TMBIM4: variants seen among roughly 807,000 people sequenced by gnomAD.
TMBIM4 encodes transmembrane BAX inhibitor motif containing 4.
Under a neutral mutation model 27.7 loss-of-function variants are expected in TMBIM4, and 28 were observed. That is an observed-to-expected ratio of 1.01 (90% CI 0.75 to 1.38). The LOEUF is 1.38. Ranked by LOEUF, TMBIM4 falls within the 40% of genes most tolerant of loss-of-function variation. The pLI is 0.00. For missense variants in TMBIM4, 265 were observed against 277.5 expected (o/e 0.95, Z 0.32); for synonymous variants, 115 against 113.1 (o/e 1.02, Z -0.11).
In TMBIM4 at chr12:66,136,195, C is replaced by T. The variant is rs2051579442; in HGVS notation, c.*1765G>A. 6.6e-6 allele frequency: 1 copy of T among 150,454 alleles called. No individual in the cohort carries two copies. 9.3% of individuals were successfully genotyped at this position (150,454 alleles called of 1,614,324 possible). On this transcript the variant is annotated 3_prime_UTR_variant, in exon 7 of 7. Transcript: ENST00000358230. ...CCTTATAACAGCCCAATAAGCTAGA[C>T]ATCATTATTCCCATTATGAAGATGA...
intron 5 of TMBIM4, among the ~76,000 whole-genome samples, chr12:66,142,625 T>C (rs1384239051): frequency 6.6e-6 from 1 of 151,940 alleles, no homozygotes; most frequent in Non-Finnish European, 1.5e-5. Context: ...TTTTTTATAA[T>C]GGAAAGTAAA....
At chr12:66,167,145 G>A (rs1034820083) in intron 1 of TMBIM4, among the ~76,000 whole-genome samples, 1 of 152,326 alleles carries the variant, frequency 6.6e-6, no homozygotes, top group South Asian at 2.1e-4. Flanking sequence ...CACAGAGGAA[G>A]GCAGTGAAAC....
In TMBIM4 at chr12:66,136,383, A is replaced by G. The variant is rs2051581336; in HGVS notation, c.*1577T>C. 1 of 154,136 alleles carries G rather than the reference A, an allele frequency of 6.5e-6. No individual in the cohort carries two copies. Among genetic ancestry groups the G allele is most frequent in the Admixed American group, 6.5e-5 (1 of 15,290 alleles). 9.5% of individuals were successfully genotyped at this position (154,136 alleles called of 1,614,324 possible). On this transcript the variant is annotated 3_prime_UTR_variant, in exon 7 of 7. Coordinates refer to ENST00000358230, the MANE Select transcript of TMBIM4 (RefSeq NM_016056.4). Reference sequence around the variant, plus strand: ...TCAACAGTTAATGATAATAAAGTCAAATTTACATCTACAAATCATGCAAGC... The same window carrying G: ...TCAACAGTTAATGATAATAAAGTCAGATTTACATCTACAAATCATGCAAGC...
At chr12:66,150,200 G>A (rs868225573) in intron 3 of TMBIM4, among the ~76,000 whole-genome samples, 4 of 152,072 alleles carry the variant, frequency 2.6e-5, no homozygotes, top group South Asian at 2.1e-4. Context: ...ATGTAGATGC[G>A]AAGAGGAATT....
intron 1 of TMBIM4, chr12:66,169,395 G>A: frequency 1.7e-6 from 1 of 594,560 alleles, no homozygotes; most frequent in East Asian, 3.0e-5. Flanking sequence ...TTCCAGCCTA[G>A]CACAGGACGG....
chr12:66,161,543 T>C (rs953290362), intron 1 of TMBIM4, among the ~76,000 whole-genome samples: 12 of 152,228 alleles, frequency 7.9e-5, no homozygotes, highest in Non-Finnish European at 1.3e-4. Context: ...ACTTCATTTA[T>C]TTTTATTTGG....
intron 1 of TMBIM4, among the ~76,000 whole-genome samples, chr12:66,156,495 G>A (rs528677883): frequency 2.0e-5 from 3 of 150,676 alleles, no homozygotes; most frequent in Admixed American, 6.5e-5. Flanking sequence ...TCTCTCACCT[G>A]GACCACTGGA....
At chr12:66,138,961 C>T in intron 5 of TMBIM4, 192 bp from the exon 6 acceptor site, 1 of 773,858 alleles carries the variant, frequency 1.3e-6, no homozygotes, top group Non-Finnish European at 1.8e-6. Context: ...ATTGAAAGAA[C>T]AGCTATTTAT....
At chr12:66,147,828 G>A in intron 4 of TMBIM4, 80 bp downstream of exon 4, 2 of 1,126,868 alleles carry the variant, frequency 1.8e-6, no homozygotes, top group Non-Finnish European at 1.3e-6. Context: ...TTAAACTTTA[G>A]CCCCAAATAC....
chr12:66,169,959 A>C lies in TMBIM4; in HGVS notation c.-8T>G. ...GGGGTCGGGGTCAGCCATGATGGCA[A>C]CAGCACCCCTACCGGTCCCGGTCCA... On this transcript the variant is annotated 5_prime_UTR_variant, in exon 1 of 7. Coordinates refer to ENST00000358230, the MANE Select transcript of TMBIM4 (RefSeq NM_016056.4). The C allele has an allele frequency of 6.7e-7, 1 of 1,485,902 alleles. No individual in the cohort carries two copies. Among genetic ancestry groups the C allele is most frequent in the South Asian group, 1.3e-5 (1 of 77,018 alleles). The allele number at this position is 1,485,902 out of a possible 1,614,324, so 92.0% of individuals were successfully genotyped here. A position where few individuals can be genotyped will look rare whatever the true frequency, so the allele number is the denominator to read the frequency against.
At chr12:66,139,684 A>G in intron 5 of TMBIM4, 1 of 456,044 alleles carries the variant, frequency 2.2e-6, no homozygotes, top group Admixed American at 2.3e-5. Context: ...CTATCCACCA[A>G]AAGTGAGCAC....
intron 6 of TMBIM4, 129 bp from the exon 7 acceptor site, chr12:66,138,295 G>A: frequency 7.0e-7 from 1 of 1,430,618 alleles, no homozygotes. Flanking sequence ...GAATACAAAT[G>A]TTAAAAGCAG....
chr12:66,149,277 C>A (rs372306063), intron 3 of TMBIM4, among the ~76,000 whole-genome samples: 2 of 151,214 alleles, frequency 1.3e-5, no homozygotes, highest in East Asian at 3.9e-4. Flanking sequence ...CCCCTCTCTA[C>A]GAAAAACACA....
chr12:66,138,989 G>A, intron 5 of TMBIM4: 2 of 554,082 alleles, frequency 3.6e-6, no homozygotes, highest in Non-Finnish European at 5.4e-6. Context: ...TTGTCTTTAT[G>A]GTATACAAAC....
chr12:66,155,019 CTA>C (rs1475706434), intron 1 of TMBIM4, among the ~76,000 whole-genome samples: 1 of 152,140 alleles, frequency 6.6e-6, no homozygotes, highest in Non-Finnish European at 1.5e-5. Flanking sequence ...CACAACAGAT[CTA>C]TGACTTACTT....
chr12:66,162,830 A>G (rs554976015), intron 1 of TMBIM4, among the ~76,000 whole-genome samples: 1 of 152,238 alleles, frequency 6.6e-6, no homozygotes, highest in South Asian at 2.1e-4. Flanking sequence ...TTTCAACAAA[A>G]CACTCTTGAT....
intron 2 of TMBIM4, 48 bp downstream of exon 2, chr12:66,153,292 A>G (rs1018432303): frequency 1.8e-6 from 2 of 1,109,796 alleles, no homozygotes; most frequent in African/African-American, 3.2e-5. Flanking sequence ...TGCCTTTTTG[A>G]TCATATGCAA....
Position 66,136,504 on chromosome 12 carries a change from A to G in TMBIM4, c.*1456T>C, listed in dbSNP as rs2051582745. The G allele has an allele frequency of 6.5e-6, 1 of 154,290 alleles. No homozygotes were observed. Among genetic ancestry groups the G allele is most frequent in the Admixed American group, 6.5e-5 (1 of 15,290 alleles). The allele number at this position is 154,290 out of a possible 1,614,324, so 9.6% of individuals were successfully genotyped here. On this transcript the variant is annotated 3_prime_UTR_variant, in exon 7 of 7. Transcript: ENST00000358230. Reference sequence around the variant, plus strand: ...TGTAGTCCCCCCAAAATTCACATGAAGAAATCCTAATCCCAGCACTTCAGA... The same window carrying G: ...TGTAGTCCCCCCAAAATTCACATGAGGAAATCCTAATCCCAGCACTTCAGA...
At chr12:66,164,997 A>C (rs1037702016) in intron 1 of TMBIM4, among the ~76,000 whole-genome samples, 17 of 152,350 alleles carry the variant, frequency 1.1e-4, no homozygotes, top group African/African-American at 3.6e-4. Context: ...AAAAGGAATA[A>C]AATGCTTAGG....
Sources: gnomAD v4.1 joint callset for allele counts (sites outside exome capture counted in the v4.1 genomes callset) on GRCh38, gnomAD v4.1.1 for gene constraint, MANE v1.5 for transcripts, NCBI Gene and HGNC (gene_info 2026-07-23, HGNC 2026-07-21) for gene names.